NALCN: variants seen among roughly 807,000 people sequenced by gnomAD.
NALCN encodes sodium leak channel, non-selective, also known as sodium leak channel NALCN.
Under a neutral mutation model 225.3 loss-of-function variants are expected in NALCN, and 111 were observed. The observed-to-expected ratio is 0.49, with a 90% CI of 0.42 to 0.58. The LOEUF (loss-of-function observed/expected upper bound fraction) is 0.58, where lower values mean the gene tolerates loss of function less well. Ranked by LOEUF, NALCN falls within the 20% of genes least tolerant of loss-of-function variation. NALCN has a pLI of 0.00. For missense variants in NALCN, 1,378 were observed against 2,202.4 expected, an observed-to-expected ratio of 0.63 and a Z score of 7.49; for synonymous variants, 764 against 769.0, an observed-to-expected ratio of 0.99 and a Z score of 0.11.
chr13:101,318,056 C>T (rs2044617101), intron 7 of NALCN, among the ~76,000 whole-genome samples: 4 of 152,162 alleles, frequency 2.6e-5, no homozygotes, highest in African/African-American at 7.2e-5. Flanking sequence ...TTAATCTGCT[C>T]TATCCCTTCA....
Position 101,416,470 on chromosome 13 carries a change from C to A in NALCN, c.-197G>T, listed in dbSNP as rs1275124560. 6.6e-6 allele frequency: 1 copy of A among 151,732 alleles called. No individual in the cohort carries two copies. The highest frequency in any genetic ancestry group is 1.5e-5 in the Non-Finnish European group (1 of 67,848). The allele number at this position is 151,732 out of a possible 1,614,324, so 9.4% of individuals were successfully genotyped here. ...CTCAGCTCAGGCAGCGCGCTCGGCC[C>A]GGCTGGGGCCGCGGCTCACGCTCGC... On this transcript the variant is annotated 5_prime_UTR_variant, in exon 1 of 44. Coordinates refer to ENST00000251127, the MANE Select transcript of NALCN (RefSeq NM_052867.4).
intron 7 of NALCN, among the ~76,000 whole-genome samples, chr13:101,314,313 A>G (rs1344258600): frequency 6.6e-6 from 1 of 152,084 alleles, no homozygotes; most frequent in African/African-American, 2.4e-5. Flanking sequence ...AAGTATAATA[A>G]TAAAATAAAA....
chr13:101,213,247 T>C (rs1370786584), intron 13 of NALCN, among the ~76,000 whole-genome samples: 8 of 152,200 alleles, frequency 5.3e-5, no homozygotes, highest in African/African-American at 1.9e-4. Flanking sequence ...TAGCCATATG[T>C]AGAAAGCTGA....
chr13:101,328,612 G>A (rs2045049409), intron 7 of NALCN, among the ~76,000 whole-genome samples: 1 of 152,050 alleles, frequency 6.6e-6, no homozygotes, highest in Non-Finnish European at 1.5e-5. Context: ...TTCTATCTGT[G>A]TGACCCTATG....
rs1485562984 is a variant in NALCN at position 101,055,367 on chromosome 13, T to G, written c.5145A>C (p.Glu1715Asp). ...PMTDAASCGSEVKKWWTRQLT... is the reference protein window; with the variant it reads ...PMTDAASCGSDVKKWWTRQLT... ...GCTGCCGGGTCCACCACTTCTTAAC[T>G]TCAGAACCGCAGGAAGCCGCGTCAG... The change falls in exon 44 of 44, where the codon GAA (glutamate) becomes GAC (aspartate). Residue 1715 changes from glutamate to aspartate, a missense_variant. This residue lies in a region of NALCN where 145 missense variants were observed against 169.6 expected (regional missense o/e 0.85). Coordinates refer to ENST00000251127, the MANE Select transcript of NALCN (RefSeq NM_052867.4). 6.2e-7 allele frequency: 1 copy of G among 1,614,038 alleles called. No individual in the cohort carries two copies. The highest frequency in any genetic ancestry group is 8.5e-7 in the Non-Finnish European group (1 of 1,180,014).
At chr13:101,145,158 C>G (rs914181139) in intron 15 of NALCN, among the ~76,000 whole-genome samples, 1 of 152,114 alleles carries the variant, frequency 6.6e-6, no homozygotes, top group African/African-American at 2.4e-5. Context: ...AACTTTATGT[C>G]ATTTTATTCC....
chr13:101,168,410 G>A (rs991855378), intron 15 of NALCN, among the ~76,000 whole-genome samples: 4 of 151,252 alleles, frequency 2.6e-5, no homozygotes, highest in Non-Finnish European at 4.4e-5. Context: ...TTCTTCCCCC[G>A]AAAAAAAACC....
At chr13:101,107,369 G>C in intron 22 of NALCN, 118 bp downstream of exon 22, 1 of 1,518,728 alleles carries the variant, frequency 6.6e-7, no homozygotes. Flanking sequence ...TGATTAATTA[G>C]TCCGCAGTTT....
At chr13:101,223,146 A>G (rs1032175144) in intron 13 of NALCN, among the ~76,000 whole-genome samples, 1 of 152,044 alleles carries the variant, frequency 6.6e-6, no homozygotes, top group Non-Finnish European at 1.5e-5. Context: ...GACATTCACA[A>G]CCTCTTCCAT....
intron 10 of NALCN, among the ~76,000 whole-genome samples, chr13:101,265,602 T>C (rs1200116188): frequency 3.9e-5 from 6 of 152,170 alleles, no homozygotes; most frequent in African/African-American, 1.4e-4. Context: ...AGAGCTACTG[T>C]TTTCTGGAGT....
chr13:101,144,997 T>C (rs151192461), intron 15 of NALCN, 101 bp from the exon 16 acceptor site: 2 of 1,324,202 alleles, frequency 1.5e-6, no homozygotes, highest in Non-Finnish European at 2.0e-6. Context: ...AGTAATTACA[T>C]GAAATGCCAG....
chr13:101,084,006 T>A (rs2033805058), intron 30 of NALCN, among the ~76,000 whole-genome samples: 1 of 152,158 alleles, frequency 6.6e-6, no homozygotes, highest in Non-Finnish European at 1.5e-5. Context: ...ACCAGGTGTT[T>A]CAGAGAGAAT....
chr13:101,126,203 A>G (rs537759790), intron 17 of NALCN, among the ~76,000 whole-genome samples: 1 of 152,338 alleles, frequency 6.6e-6, no homozygotes, highest in Non-Finnish European at 1.5e-5. Context: ...TCCACTTTTC[A>G]TATTTTACAG....
rs1266834511 is a variant in NALCN, at chr13:101,376,921, A to C, written c.511T>G (p.Leu171Val). 6.2e-7 allele frequency: 1 copy of C among 1,614,196 alleles called. No individual in the cohort carries two copies. The highest frequency in any genetic ancestry group is 1.7e-5 in the Admixed American group (1 of 60,016). Residue 171 changes from leucine (L) to valine (V), a missense_variant, in exon 5 of 44, where the codon TTA becomes GTA. Around this residue, in one of 19 missense-constraint regions of NALCN, gnomAD observed 14 missense variants for 58.2 expected, o/e 0.24. Transcript: ENST00000251127. ...TTATTGTAAAGCAGCGCTCACTTTA[A>C]AATATTTGTAATTCTGGTCCTTGGC... ...ELPRTRITNI[L>V]KRSGEQIWSV...
At chr13:101,140,388 TTC>T (rs1243842054) in intron 17 of NALCN, among the ~76,000 whole-genome samples, 8 of 152,304 alleles carry the variant, frequency 5.3e-5, no homozygotes, top group African/African-American at 1.9e-4. Flanking sequence ...ACAATCACAT[TTC>T]CTTTTAGAGA....
intron 25 of NALCN, among the ~76,000 whole-genome samples, chr13:101,103,966 T>A (rs1335993975): frequency 6.6e-6 from 1 of 152,210 alleles, no homozygotes. Flanking sequence ...GGCAAACTTT[T>A]TTTTTTTAGT....
chr13:101,381,614 T>C (rs2046850500), intron 3 of NALCN, among the ~76,000 whole-genome samples: 1 of 152,136 alleles, frequency 6.6e-6, no homozygotes, highest in South Asian at 2.1e-4. Context: ...CTCCCTCCCT[T>C]ACTTCCTTCT....
At chr13:101,307,089 C>A (rs1329754855) in intron 7 of NALCN, among the ~76,000 whole-genome samples, 1 of 152,194 alleles carries the variant, frequency 6.6e-6, no homozygotes, top group Admixed American at 6.5e-5. Context: ...TTGTTATGAA[C>A]TTCTAAGTCA....
chr13:101,086,107 T>TA (rs1372552651), intron 30 of NALCN, among the ~76,000 whole-genome samples: 2 of 151,812 alleles, frequency 1.3e-5, no homozygotes, highest in South Asian at 2.1e-4. Flanking sequence ...TGACTTGATT[T>TA]AAAAAAAACC....
Sources: allele counts gnomAD v4.1 joint callset (sites outside exome capture counted in the v4.1 genomes callset), GRCh38; gene constraint gnomAD v4.1.1; regional missense constraint gnomAD v4.1.1; transcripts MANE v1.5; gene names NCBI Gene and HGNC (gene_info 2026-07-23, HGNC 2026-07-21).